WNK1: variants seen among roughly 807,000 people sequenced by gnomAD.
WNK1 encodes serine/threonine-protein kinase WNK1.
A neutral mutation model predicts 222.8 loss-of-function variants in WNK1; 38 were observed. The ratio of observed to expected loss-of-function variants is 0.17; its 90% CI spans 0.13 to 0.22. The LOEUF (loss-of-function observed/expected upper bound fraction) is 0.22, where lower values mean the gene tolerates loss of function less well. WNK1 is among the 10% of genes least tolerant of loss of function. The pLI, the probability that WNK1 is intolerant of heterozygous loss-of-function variation, is 1.00. For synonymous variants in WNK1, 1,090 were observed against 1,092.9 expected (o/e 1.00, Z 0.05); for missense variants, 2,348 against 2,918.4 (o/e 0.80, Z 4.50).
chr12:812,660 T>C (rs774936731), intron 1 of WNK1, among the ~76,000 whole-genome samples: 1 of 152,046 alleles, frequency 6.6e-6, no homozygotes, highest in Non-Finnish European at 1.5e-5. Flanking sequence ...CAATTAATAA[T>C]TGATGTAATA....
chr12:875,025 C>T (rs1272169560), intron 9 of WNK1, among the ~76,000 whole-genome samples: 1 of 151,944 alleles, frequency 6.6e-6, no homozygotes, highest in Non-Finnish European at 1.5e-5. Context: ...TATTCCAGGC[C>T]AGAAGATAAA....
chr12:781,540 G>A lies in WNK1; in HGVS notation c.759+27216G>A, dbSNP rs944077974. On this transcript the variant is annotated intron_variant, in intron 1 of 27. Transcript: ENST00000315939. ...TTGTATAACAACTGAAGTTAGGTGT[G>A]TGTGAAGTTTTATAATTGCTGGTCT... Among the ~76,000 whole-genome samples, 3 of 152,174 alleles carry A rather than the reference G, an allele frequency of 2.0e-5. No homozygotes were observed. In the East Asian group the frequency reaches 5.8e-4, roughly 29 times the overall value.
At chr12:761,908 C>T (rs943634734) in intron 1 of WNK1, among the ~76,000 whole-genome samples, 1 of 147,022 alleles carries the variant, frequency 6.8e-6, no homozygotes, top group Non-Finnish European at 1.5e-5. Context: ...CTCTCACACA[C>T]AGTCATCCGT....
intron 2 of WNK1, among the ~76,000 whole-genome samples, chr12:819,452 A>G (rs1947657774): frequency 6.6e-6 from 1 of 152,198 alleles, no homozygotes; most frequent in South Asian, 2.1e-4. Context: ...AAATGTTCAA[A>G]TGAGCATTTT....
In WNK1 at chr12:815,388, G is replaced by A. The variant is rs1184851139; in HGVS notation, c.932+1574G>A. Among the ~76,000 whole-genome samples the A allele has an allele frequency of 2.6e-5, 4 of 152,270 alleles. No individual in the cohort carries two copies. The East Asian group carries it at 7.7e-4, about 29-fold the overall frequency. ...TTGGAATACAGTGTTACAGCACCTGGATATAGTCACTTGCATGTTTTCTGA... is the reference window on the plus strand; with the variant it reads ...TTGGAATACAGTGTTACAGCACCTGAATATAGTCACTTGCATGTTTTCTGA... On this transcript the variant is annotated intron_variant, in intron 2 of 27. Coordinates refer to ENST00000315939, the MANE Select transcript of WNK1 (RefSeq NM_018979.4).
chr12:768,718 C>T (rs1942084019), intron 1 of WNK1, among the ~76,000 whole-genome samples: 1 of 152,142 alleles, frequency 6.6e-6, no homozygotes, highest in Non-Finnish European at 1.5e-5. Context: ...CATTCTTATT[C>T]TCTTAATGAG....
intron 9 of WNK1, among the ~76,000 whole-genome samples, chr12:872,763 A>C (rs1203524250): frequency 6.6e-6 from 1 of 152,180 alleles, no homozygotes; most frequent in African/African-American, 2.4e-5. Flanking sequence ...GTTTTGAAAC[A>C]AAGTTTTCGG....
At chr12:782,686 T>A (rs914879577) in intron 1 of WNK1, among the ~76,000 whole-genome samples, 1 of 152,126 alleles carries the variant, frequency 6.6e-6, no homozygotes, top group African/African-American at 2.4e-5. Context: ...TATATTTTTA[T>A]AGAGACGGGG....
chr12:861,386 T>G, intron 7 of WNK1, 43 bp downstream of exon 7: 1 of 1,600,642 alleles, frequency 6.2e-7, no homozygotes, highest in Non-Finnish European at 8.6e-7. Context: ...ATGATTCTCC[T>G]AATTGGTTTT....
chr12:787,049 CTA>C (rs1215631724), intron 1 of WNK1, among the ~76,000 whole-genome samples: 1 of 151,328 alleles, frequency 6.6e-6, no homozygotes, highest in Non-Finnish European at 1.5e-5. Context: ...ACCTAGTAGT[CTA>C]TCTTTTATGT....
chr12:869,734 A>T (rs1296019838), intron 8 of WNK1, among the ~76,000 whole-genome samples: 1 of 152,114 alleles, frequency 6.6e-6, no homozygotes, highest in African/African-American at 2.4e-5. Context: ...GCATTATTAT[A>T]TGTCCAAATA....
intron 4 of WNK1, among the ~76,000 whole-genome samples, chr12:832,882 A>G (rs540759012): frequency 1.3e-5 from 2 of 152,296 alleles, no homozygotes; most frequent in Admixed American, 6.5e-5. Context: ...TAAGTACCCT[A>G]ATCATTATTC....
intron 8 of WNK1, 106 bp from the exon 9 acceptor site, chr12:871,159 T>C: frequency 9.1e-7 from 1 of 1,100,086 alleles, no homozygotes; most frequent in South Asian, 1.3e-5. Flanking sequence ...TGTTTCATTT[T>C]GATCAAGCAA....
chr12:767,022 C>T (rs1439195131), intron 1 of WNK1, among the ~76,000 whole-genome samples: 1 of 152,112 alleles, frequency 6.6e-6, no homozygotes, highest in East Asian at 1.9e-4. Flanking sequence ...AGCGGTCTGC[C>T]CACCTGGGCC....
chr12:781,123 A>AAAACTGCTAACC (rs1377904573), intron 1 of WNK1: 1 of 155,108 alleles, frequency 6.4e-6, no homozygotes, highest in African/African-American at 2.4e-5. Flanking sequence ...AACAACAACA[A>AAAACTGCTAACC]AAACTGCTAA....
chr12:773,938 G>A (rs929629132), intron 1 of WNK1, among the ~76,000 whole-genome samples: 2 of 152,024 alleles, frequency 1.3e-5, no homozygotes, highest in Non-Finnish European at 1.5e-5. Flanking sequence ...ACTCCACAAG[G>A]TTGTAACCAT....
chr12:861,358 A>G lies in WNK1; in HGVS notation c.1951+15A>G. ...ATCTGTGTTATGTACGTATCTTGGG[A>G]AGTGGACAGATAGGCTAATGATTCT... On this transcript the variant is annotated intron_variant, in intron 7 of 27. Coordinates refer to ENST00000315939, the MANE Select transcript of WNK1 (RefSeq NM_018979.4). The G allele has an allele frequency of 6.2e-7, 1 of 1,612,850 alleles. No homozygotes were observed. The highest frequency in any genetic ancestry group is 2.2e-5 in the East Asian group (1 of 44,870).
chr12:822,087 C>CTTTTTTTTTTTTTTTT (rs376271992), intron 2 of WNK1, among the ~76,000 whole-genome samples: 4 of 71,430 alleles, frequency 5.6e-5, no homozygotes, highest in African/African-American at 1.1e-4. Context: ...TGTCTTATAC[C>CTTTTTTTTTTTTTTTT]TTTTTTTTTT....
chr12:798,933 T>C (rs1427186559), intron 1 of WNK1, among the ~76,000 whole-genome samples: 1 of 152,202 alleles, frequency 6.6e-6, no homozygotes, highest in Admixed American at 6.5e-5. Context: ...CTTGTAAATA[T>C]GTTTTTCTGT....
Sources: gnomAD v4.1 joint callset for allele counts (sites outside exome capture counted in the v4.1 genomes callset) on GRCh38, gnomAD v4.1.1 for gene constraint, MANE v1.5 for transcripts, NCBI Gene and HGNC (gene_info 2026-07-23, HGNC 2026-07-21) for gene names.